TTN: variants seen among roughly 807,000 people sequenced by gnomAD.
TTN encodes the protein connectin.
A neutral mutation model predicts 3,223.0 loss-of-function variants in TTN; 1,525 were observed. The ratio of observed to expected loss-of-function variants is 0.47; its 90% CI spans 0.45 to 0.49. TTN has a LOEUF of 0.49. Among genes scored for constraint, TTN ranks in the 20% least tolerant of loss-of-function variants. The probability of loss-of-function intolerance (pLI) is 0.00; values close to 1 mark genes in which losing one functional copy is unlikely to be tolerated. For missense variants in TTN, 40,786 were observed against 43,424.0 expected (o/e 0.94, Z 5.40); for synonymous variants, 14,094 against 15,161.0 (o/e 0.93, Z 5.17).
chr2:178,740,271 C>G lies in TTN; in HGVS notation c.12962G>C (p.Arg4321Thr). The change falls in exon 48 of 363, where the codon AGA (arginine) becomes ACA (threonine). Residue 4321 changes from arginine (R) to threonine (T), a missense_variant. Coordinates refer to ENST00000589042, the MANE Select transcript of TTN (RefSeq NM_001267550.2). ...TCTTAAGGACTTGCCTTCCTCAATT[C>G]TGACCGCAGAATCTTGCCCTGCATT... ...LENAGQDSAV[R>T]IEEGKSLRFP... The G allele has an allele frequency of 6.2e-7, 1 of 1,613,664 alleles. No homozygotes were observed. The highest frequency in any genetic ancestry group is 8.5e-7 in the Non-Finnish European group (1 of 1,179,822).
rs766364098 is a variant in TTN, at chr2:178,672,015, G to T, written c.35183C>A (p.Ala11728Asp). 12 of 1,608,178 alleles carry T rather than the reference G, an allele frequency of 7.5e-6. No individual in the cohort carries two copies. The highest frequency in any genetic ancestry group is 1.0e-5 in the Non-Finnish European group (12 of 1,178,210). Residue 11728 changes from alanine (A) to aspartate (D), a missense_variant, in exon 155 of 363, where the codon GCT (alanine) becomes GAT (aspartate). Transcript: ENST00000589042. The part of the protein sequence containing the change: ...KVHRVIEVFE[A>D]EEVEVFEKPK... The stretch of plus-strand genomic sequence containing the variant: ...TTTTTCAAATACTTCCACTTCTTCA[G>T]CCTCAAAAACTTCTATTACCCTATG...
rs755566823 is a variant in TTN, at chr2:178,598,572, A to G, written c.57045T>C (p.Asp19015=). The change falls in exon 292 of 363, where the codon GAT becomes GAC. Residue 19015 remains aspartate, a synonymous_variant. Coordinates refer to ENST00000589042, the MANE Select transcript of TTN (RefSeq NM_001267550.2). ...TGTATCCAGTTACTTTGGATCCACC[A>G]TCTTTTAGTGGGGGAGACCACTCCA... ...ADLEWSPPLK[D]GGSKVTGYIV... is the part of the protein sequence containing the mutation. 6.2e-7 allele frequency: 1 copy of G among 1,607,976 alleles called. No individual in the cohort carries two copies. The highest frequency in any genetic ancestry group is 2.2e-5 in the East Asian group (1 of 44,604).
At chr2:178,760,548 A>C (rs2088813978) in intron 43 of TTN, among the ~76,000 whole-genome samples, 1 of 152,186 alleles carries the variant, frequency 6.6e-6, no homozygotes, top group Admixed American at 6.5e-5. Context: ...TGAAATCTTG[A>C]CACTACAACT....
At chr2:178,602,635 G>A in intron 282 of TTN, 45 bp from the exon 283 acceptor site, 1 of 1,430,616 alleles carries the variant, frequency 7.0e-7, no homozygotes, top group Non-Finnish European at 9.2e-7. Flanking sequence ...TTTTGAAGCT[G>A]ATGAAGTGCT....
chr2:178,624,380 G>T, intron 242 of TTN, 85 bp downstream of exon 242: 1 of 1,563,430 alleles, frequency 6.4e-7, no homozygotes, highest in South Asian at 1.1e-5. Context: ...GGCCAAGAAG[G>T]GCATGCAAAA....
In TTN at chr2:178,582,576, T is replaced by C. The variant is rs745337457; in HGVS notation, c.65880A>G (p.Pro21960=). The C allele has an allele frequency of 1.9e-6, 3 of 1,608,716 alleles. No individual in the cohort carries two copies. Among genetic ancestry groups the C allele is most frequent in the African/African-American group, 2.7e-5 (2 of 74,736 alleles). ...ACATTTTGTTGATTTTAACAGATGC[T>C]GGAGGACCCGGTTTATCTGAAGGAA... ...KLKVLDKPGP[P]ASVKINKMYS... The change falls in exon 314 of 363, where the codon CCA becomes CCG. Residue 21960 remains proline (P), a synonymous_variant. Transcript: ENST00000589042.
chr2:178,712,592 G>A lies in TTN; in HGVS notation c.27330C>T (p.Ala9110=). Residue 9110 remains alanine, a splice_region_variant and synonymous_variant, in exon 95 of 363, where the codon GCC becomes GCT. Transcript: ENST00000589042. ...ASCTTHLYIK[A]PAKFVKRLND... is the part of the protein sequence containing the mutation. ...TCAGCCTCTTCACAAATTTGGCTGG[G>A]GCTAAAGTGACCAAATTGAAAATAT... The A allele has an allele frequency of 6.2e-7, 1 of 1,609,158 alleles. No individual in the cohort carries two copies. Among genetic ancestry groups the A allele is most frequent in the Non-Finnish European group, 8.5e-7 (1 of 1,177,286 alleles).
intron 13 of TTN, among the ~76,000 whole-genome samples, chr2:178,786,805 T>C (rs1017150140): frequency 6.6e-6 from 1 of 152,190 alleles, no homozygotes; most frequent in Admixed American, 6.5e-5. Context: ...AAAATGAAAG[T>C]GTTATCATGT....
chr2:178,774,342 A>G lies in TTN; in HGVS notation c.6922T>C (p.Ser2308Pro). The G allele has an allele frequency of 1.2e-6, 2 of 1,613,990 alleles. No homozygotes were observed. Among genetic ancestry groups the G allele is most frequent in the South Asian group, 2.2e-5 (2 of 91,068 alleles). Residue 2308 changes from serine to proline, a missense_variant, in exon 30 of 363, where the codon TCC becomes CCC. Coordinates refer to ENST00000589042, the MANE Select transcript of TTN (RefSeq NM_001267550.2). ...KWYHNDVELK[S>P]NGKYTITSRR... ...GATGTAATTGTATATTTGCCATTGGATTTAAGCTCCACATCATTATGATAC... is the reference window on the plus strand; with the variant it reads ...GATGTAATTGTATATTTGCCATTGGGTTTAAGCTCCACATCATTATGATAC...
In TTN at chr2:178,531,123, A is replaced by G. The variant is rs775290030; in HGVS notation, c.105492T>C (p.Arg35164=). 3.1e-6 allele frequency: 5 copies of G among 1,613,856 alleles called. No homozygotes were observed. The Admixed American group carries it at 5.0e-5, about 16-fold the overall frequency. Residue 35164 remains arginine, a synonymous_variant, in exon 358 of 363, where the codon CGT becomes CGC. Coordinates refer to ENST00000589042, the MANE Select transcript of TTN (RefSeq NM_001267550.2). ...CAGAAGTACTTAGCACTTGTCCTTT[A>G]CGCAGCCAGGTCACAGTTGGTACCG... ...GEPVPTVTWL[R]KGQVLSTSAR... is the part of the protein sequence containing the mutation.
At chr2:178,599,907 T>G in intron 288 of TTN, 57 bp from the exon 289 acceptor site, 2 of 1,472,462 alleles carry the variant, frequency 1.4e-6, no homozygotes, top group South Asian at 1.4e-5. Context: ...GGATAGAAAG[T>G]AGAATTCACA....
Position 178,734,755 on chromosome 2 carries a change from C to A in TTN, c.15169G>T (p.Val5057Leu). 1 of 1,613,434 alleles carries A rather than the reference C, an allele frequency of 6.2e-7. No homozygotes were observed. ...EDSGSYSCEAVNDVGSDSCST... is the reference protein window; with the variant it reads ...EDSGSYSCEALNDVGSDSCST... ...CAGCTATCACTGCCGACGTCATTCA[C>A]TGCTTCACATGAGTAACTCCCACTG... Residue 5057 changes from valine to leucine, a missense_variant, in exon 51 of 363, where the codon GTG becomes TTG. Coordinates refer to ENST00000589042, the MANE Select transcript of TTN (RefSeq NM_001267550.2).
chr2:178,776,374 A>T lies in TTN; in HGVS notation c.5490T>A (p.Gly1830=). The T allele has an allele frequency of 6.2e-7, 1 of 1,613,180 alleles. No individual in the cohort carries two copies. The highest frequency in any genetic ancestry group is 8.5e-7 in the Non-Finnish European group (1 of 1,179,968). ...GCTTTTCTTTCTGATCTGTTGTTAC[A>T]CCTGTAAGTGCACCTTCATGAGCCA... ...ERMAHEGALT[G]VTTDQKEKQK... Residue 1830 remains glycine, a synonymous_variant, in exon 28 of 363, where the codon GGT becomes GGA. Transcript: ENST00000589042.
intron 47 of TTN, chr2:178,744,294 T>G: frequency 1.2e-6 from 1 of 831,614 alleles, no homozygotes; most frequent in Non-Finnish European, 1.4e-6. Context: ...TGTTACAAAA[T>G]TAAAGTTTAT....
Position 178,539,950 on chromosome 2 carries a change from T to G in TTN, c.98115A>C (p.Glu32705Asp). Residue 32705 changes from glutamate to aspartate, a missense_variant, in exon 352 of 363, where the codon GAA becomes GAC. Physicochemically the swap from Glu to Asp is conservative, Grantham distance 45. Transcript: ENST00000589042. ...VTEMLEYPDY[E>D]LDERYQEGIF... is the part of the protein sequence containing the mutation. ...TACCTTCTTGGTATCTTTCATCAAG[T>G]TCATAATCAGGATATTCTGGAAAAA... 1 of 1,613,188 alleles carries G rather than the reference T, an allele frequency of 6.2e-7. No individual in the cohort carries two copies. Among genetic ancestry groups the G allele is most frequent in the Non-Finnish European group, 8.5e-7 (1 of 1,179,320 alleles).
chr2:178,556,722 A>C, intron 330 of TTN, 126 bp downstream of exon 330: 1 of 1,139,898 alleles, frequency 8.8e-7, no homozygotes, highest in South Asian at 1.5e-5. Context: ...GCTAGTCCAT[A>C]ATTTCTTCCA....
intron 136 of TTN, 88 bp downstream of exon 136, chr2:178,681,573 A>G: frequency 1.4e-6 from 2 of 1,469,164 alleles, no homozygotes; most frequent in Non-Finnish European, 1.9e-6. Flanking sequence ...TAATTTGTAC[A>G]CTGCCACTTT....
chr2:178,558,785 C>A (rs370474680), intron 326 of TTN, 148 bp from the exon 327 acceptor site: 1 of 865,682 alleles, frequency 1.2e-6, no homozygotes. Flanking sequence ...ACCCATTTTG[C>A]TTCTGAACCA....
chr2:178,650,380 G>C (rs893906658), intron 209 of TTN, 109 bp from the exon 210 acceptor site: 17 of 1,042,910 alleles, frequency 1.6e-5, no homozygotes, highest in Non-Finnish European at 2.1e-5. Context: ...TGTTTCAATT[G>C]ATACCTTCTC....
Sources: allele counts gnomAD v4.1 joint callset (sites outside exome capture counted in the v4.1 genomes callset), GRCh38; gene constraint gnomAD v4.1.1; transcripts MANE v1.5; gene names NCBI Gene and HGNC (gene_info 2026-07-23, HGNC 2026-07-21).